SMURF2: variants seen among roughly 807,000 people sequenced by gnomAD.
The protein encoded by SMURF2 is E3 ubiquitin-protein ligase SMURF2.
Under a neutral mutation model 109.6 loss-of-function variants are expected in SMURF2, and 48 were observed. The observed-to-expected ratio is 0.44, with a 90% confidence interval of 0.35 to 0.56. The LOEUF (loss-of-function observed/expected upper bound fraction) is 0.56. Ranked by LOEUF, SMURF2 falls within the 20% of genes least tolerant of loss-of-function variation. The probability of loss-of-function intolerance (pLI) is 0.01; values close to 1 mark genes in which losing one functional copy is unlikely to be tolerated. For missense variants in SMURF2, 575 were observed against 909.0 expected, an observed-to-expected ratio of 0.63 and a Z score of 4.72; for synonymous variants, 288 against 317.1, an observed-to-expected ratio of 0.91 and a Z score of 0.97.
chr17:64,626,651 TACTC>T (rs1391039687), intron 1 of SMURF2, among the ~76,000 whole-genome samples: 1 of 151,986 alleles, frequency 6.6e-6, no homozygotes, highest in African/African-American at 2.4e-5. Context: ...TAGTCCCAGA[TACTC>T]AGGAGGCTGA....
chr17:64,606,425 A>C (rs1555689053), intron 2 of SMURF2, among the ~76,000 whole-genome samples, 177 bp downstream of exon 2: 1 of 152,184 alleles, frequency 6.6e-6, no homozygotes, highest in African/African-American at 2.4e-5. Flanking sequence ...AAGCCTAAAA[A>C]GCACAAAACC....
intron 10 of SMURF2, among the ~76,000 whole-genome samples, chr17:64,570,679 A>C (rs1389258621): frequency 6.6e-6 from 1 of 152,220 alleles, no homozygotes; most frequent in Non-Finnish European, 1.5e-5. Context: ...CAACGTATGG[A>C]AAGTCATGTA....
intron 1 of SMURF2, among the ~76,000 whole-genome samples, chr17:64,626,274 A>C (rs930258657): frequency 1.3e-5 from 2 of 151,292 alleles, no homozygotes; most frequent in Admixed American, 6.6e-5. Context: ...AAAAAAAAAA[A>C]CAAAAAACAT....
intron 12 of SMURF2, chr17:64,561,066 T>C (rs1969209743): frequency 6.5e-6 from 1 of 153,424 alleles, no homozygotes; most frequent in African/African-American, 2.4e-5. Flanking sequence ...TGAAACATTC[T>C]GAGGACCATC....
chr17:64,645,054 T>G (rs1444016920), intron 1 of SMURF2, among the ~76,000 whole-genome samples: 1 of 149,210 alleles, frequency 6.7e-6, no homozygotes, highest in African/African-American at 2.5e-5. Context: ...ACAGGAAGAC[T>G]AGGTGGGGAA....
intron 9 of SMURF2, among the ~76,000 whole-genome samples, chr17:64,577,111 C>T (rs1020709434): frequency 2.0e-5 from 3 of 151,930 alleles, no homozygotes; most frequent in Admixed American, 6.6e-5. Flanking sequence ...CACATGCACA[C>T]GTATGTTTAT....
chr17:64,551,258 G>C (rs1160963615), intron 16 of SMURF2, among the ~76,000 whole-genome samples: 1 of 152,006 alleles, frequency 6.6e-6, no homozygotes, highest in Admixed American at 6.6e-5. Flanking sequence ...AGCTACTTGA[G>C]GGGCTGAAGG....
At position 64,581,814 on chromosome 17, in the gene SMURF2, G is replaced by A. The variant is rs1221964583; in HGVS notation, c.570-823C>T. ...ACAAAAATTAGCCGGGTGTGGGGGCGGGCGCCTGTAGTCCCAGCTACTCGG... is the reference window on the plus strand; with the variant it reads ...ACAAAAATTAGCCGGGTGTGGGGGCAGGCGCCTGTAGTCCCAGCTACTCGG... On this transcript the variant is annotated intron_variant, in intron 7 of 18. Transcript: ENST00000262435. The surrounding 1 kb of genome is among the most constrained non-coding windows in gnomAD (Gnocchi z 4.3). Among the ~76,000 whole-genome samples, 1 of 151,776 alleles carries A rather than the reference G, an allele frequency of 6.6e-6. No individual in the cohort carries two copies. The highest frequency in any genetic ancestry group is 1.5e-5 in the Non-Finnish European group (1 of 67,940).
intron 15 of SMURF2, among the ~76,000 whole-genome samples, chr17:64,554,060 GA>G (rs1555683830): frequency 6.6e-6 from 1 of 152,098 alleles, no homozygotes; most frequent in Non-Finnish European, 1.5e-5. Flanking sequence ...TTTACTTTAT[GA>G]AATCTGAAAA....
chr17:64,608,286 C>G (rs780123939), intron 1 of SMURF2, among the ~76,000 whole-genome samples: 3 of 152,006 alleles, frequency 2.0e-5, no homozygotes, highest in Non-Finnish European at 4.4e-5. Context: ...ACTAATCACT[C>G]TAAGGGTTCA....
chr17:64,600,143 G>A (rs1487294496), intron 2 of SMURF2, among the ~76,000 whole-genome samples: 4 of 152,126 alleles, frequency 2.6e-5, no homozygotes, highest in Non-Finnish European at 4.4e-5. Context: ...TGAAGCTGTT[G>A]TAATTATCCA....
intron 1 of SMURF2, among the ~76,000 whole-genome samples, chr17:64,647,679 TAAAA>T (rs782754711): frequency 8.2e-6 from 1 of 121,608 alleles, no homozygotes; most frequent in Non-Finnish European, 1.8e-5. Flanking sequence ...AGACTCTGTC[TAAAA>T]AAAAAAAAAA....
chr17:64,624,069 T>C (rs1160489848), intron 1 of SMURF2, among the ~76,000 whole-genome samples: 3 of 152,220 alleles, frequency 2.0e-5, no homozygotes, highest in African/African-American at 7.2e-5. Context: ...TGTGATGGCT[T>C]GTTTTTCAGA....
chr17:64,554,767 A>G (rs1387536635), intron 15 of SMURF2, 89 bp downstream of exon 15: 1 of 1,223,928 alleles, frequency 8.2e-7, no homozygotes, highest in African/African-American at 1.5e-5. Context: ...TGTAACACTA[A>G]GTAGTACTAT....
At chr17:64,565,994 T>G (rs1207087569) in intron 10 of SMURF2, among the ~76,000 whole-genome samples, 1 of 151,962 alleles carries the variant, frequency 6.6e-6, no homozygotes, top group African/African-American at 2.4e-5. Context: ...CCAAAAAAAT[T>G]TCCAAGAGAG....
intron 1 of SMURF2, among the ~76,000 whole-genome samples, chr17:64,609,811 C>T (rs1970018986): frequency 6.6e-6 from 1 of 151,788 alleles, no homozygotes; most frequent in South Asian, 2.1e-4. Flanking sequence ...AAAAGAAACT[C>T]ATCAGAGTGA....
At chr17:64,557,832 CA>C in intron 12 of SMURF2, 110 bp from the exon 13 acceptor site, 1 of 592,362 alleles carries the variant, frequency 1.7e-6, no homozygotes. Flanking sequence ...TAATAAAAGG[CA>C]AAAAAGCACT....
intron 5 of SMURF2, among the ~76,000 whole-genome samples, chr17:64,588,396 T>C (rs1969697755): frequency 6.6e-6 from 1 of 152,002 alleles, no homozygotes; most frequent in African/African-American, 2.4e-5. Flanking sequence ...AATGTTATAA[T>C]AGCAAAAAAA....
chr17:64,645,316 G>A (rs1165783984), intron 1 of SMURF2, among the ~76,000 whole-genome samples: 1 of 152,164 alleles, frequency 6.6e-6, no homozygotes, highest in Non-Finnish European at 1.5e-5. Context: ...TAGTTTAAAC[G>A]ATAATTAAGA....
Sources: gnomAD v4.1 joint callset for allele counts (sites outside exome capture counted in the v4.1 genomes callset) on GRCh38, gnomAD v4.1.1 for gene constraint, Gnocchi (gnomAD v3.1) non-coding constraint, MANE v1.5 for transcripts, NCBI Gene and HGNC (gene_info 2026-07-23, HGNC 2026-07-21) for gene names.